The following DMD variants were observed in gnomAD, a reference collection of about 807,000 sequenced individuals.
DMD encodes the protein dystrophin, also known as mutant dystrophin.
In DMD, 63 loss-of-function variants were observed where a neutral mutation model predicts 330.1. The observed-to-expected ratio is 0.19, with a 90% CI of 0.16 to 0.24. The LOEUF is 0.24. DMD is among the 10% of genes least tolerant of loss of function. The pLI is 1.00. For missense variants in DMD, 3,344 were observed against 2,684.1 expected, an observed-to-expected ratio of 1.25 and a Z score of -5.43; for synonymous variants, 1,223 against 959.8, an observed-to-expected ratio of 1.27 and a Z score of -5.07.
At position 31,121,932 on chromosome X, in the gene DMD, T is replaced by C. The variant is rs2032650615; in HGVS notation, c.11047-2A>G. 1 of 1,187,919 alleles carries C rather than the reference T, an allele frequency of 8.4e-7. No individual in the cohort carries two copies. The highest frequency in any genetic ancestry group is 1.1e-6 in the Non-Finnish European group (1 of 874,499). On this transcript the variant is annotated splice_acceptor_variant, in intron 78 of 78. Coordinates refer to ENST00000357033, the MANE Select transcript of DMD (RefSeq NM_004006.3). LOFTEE classifies it high-confidence loss of function. Reference sequence around the variant, plus strand: ...GGAAAAGACTTCCTACATTGTGTCCTGGAAAACAAAGAGAAAGAAAGACAG... The same window carrying C: ...GGAAAAGACTTCCTACATTGTGTCCCGGAAAACAAAGAGAAAGAAAGACAG...
At chrX:32,044,701 C>A (rs1318582212) in intron 44 of DMD, among the ~76,000 whole-genome samples, 2 of 111,718 alleles carry the variant, frequency 1.8e-5, no homozygotes, top group Non-Finnish European at 3.8e-5. Context: ...GGATTACAGG[C>A]GTGAGCCTCC....
At chrX:31,419,836 A>C (rs1451962300) in intron 60 of DMD, among the ~76,000 whole-genome samples, 1 of 111,981 alleles carries the variant, frequency 8.9e-6, no homozygotes, top group African/African-American at 3.2e-5. Flanking sequence ...AGCTTACAGA[A>C]CAACAGCATC....
At chrX:32,663,891 G>T (rs2061112775) in intron 9 of DMD, among the ~76,000 whole-genome samples, 1 of 111,650 alleles carries the variant, frequency 9.0e-6, no homozygotes, top group South Asian at 3.8e-4. Flanking sequence ...TATGACTGCG[G>T]TGGAATGAGA....
chrX:31,179,239 T>C, intron 69 of DMD, among the ~76,000 whole-genome samples: 1 of 112,634 alleles, frequency 8.9e-6, no homozygotes, highest in African/African-American at 3.2e-5. Context: ...GCATGGTACA[T>C]TCTCAATCAC....
chrX:31,136,493 G>A (rs922346453), intron 76 of DMD, among the ~76,000 whole-genome samples: 4 of 111,983 alleles, frequency 3.6e-5, no homozygotes, highest in African/African-American at 6.5e-5. Context: ...AAATTTTTGC[G>A]GAACTGGGAA....
At chrX:33,288,827 A>G (rs758453722) in intron 1 of DMD, among the ~76,000 whole-genome samples, 1 of 112,013 alleles carries the variant, frequency 8.9e-6, no homozygotes, top group African/African-American at 3.2e-5. Context: ...TAAGGATTGT[A>G]ACCAAGAGAC....
intron 60 of DMD, among the ~76,000 whole-genome samples, chrX:31,371,776 T>C (rs142189478): frequency 2.4e-3 from 273 of 111,804 alleles, no homozygotes; most frequent in African/African-American, 7.8e-3. Context: ...AGAAAGAATA[T>C]TGATAATGGA....
chrX:32,838,056 C>T (rs183782243), intron 4 of DMD, among the ~76,000 whole-genome samples: 25 of 111,773 alleles, frequency 2.2e-4, no homozygotes, highest in African/African-American at 7.8e-4. Flanking sequence ...CAATCTTTTG[C>T]TGTTAAATAT....
chrX:31,828,436 C>T (rs1382635198), intron 49 of DMD, among the ~76,000 whole-genome samples: 1 of 110,734 alleles, frequency 9.0e-6, no homozygotes, highest in African/African-American at 3.3e-5. Context: ...GAGGCTGAGG[C>T]AGGTGGATCA....
At chrX:33,305,486 G>T (rs1398954823) in intron 1 of DMD, among the ~76,000 whole-genome samples, 1 of 102,562 alleles carries the variant, frequency 9.8e-6, no homozygotes, top group Non-Finnish European at 2.0e-5. Context: ...GTTAATGGGT[G>T]CAGCACACCA....
At chrX:32,375,141 T>A (rs1338354010) in intron 34 of DMD, among the ~76,000 whole-genome samples, 1 of 111,132 alleles carries the variant, frequency 9.0e-6, no homozygotes, top group Non-Finnish European at 1.9e-5. Context: ...TTCTCAGTTC[T>A]CGGTTTGCGC....
At chrX:31,508,779 G>GTT (rs767835823) in intron 55 of DMD, among the ~76,000 whole-genome samples, 34 of 108,111 alleles carry the variant, frequency 3.1e-4, no homozygotes, top group African/African-American at 1.1e-3. Context: ...AACTAGAAAA[G>GTT]TTTTTTTTTT....
chrX:31,939,459 C>T (rs999115691), intron 45 of DMD, among the ~76,000 whole-genome samples: 2 of 111,891 alleles, frequency 1.8e-5, no homozygotes, highest in Non-Finnish European at 1.9e-5. Flanking sequence ...GTTAGCAATG[C>T]GAATATCTGT....
intron 51 of DMD, among the ~76,000 whole-genome samples, chrX:31,749,468 T>G (rs1395791904): frequency 1.6e-4 from 17 of 105,601 alleles, no homozygotes; most frequent in Non-Finnish European, 2.9e-4. Flanking sequence ...ACAAAGGACA[T>G]GAACTCATCC....
At chrX:31,951,161 A>ATATATATATGTG (rs2095170849) in intron 45 of DMD, among the ~76,000 whole-genome samples, 6 of 86,933 alleles carry the variant, frequency 6.9e-5, no homozygotes, top group African/African-American at 2.8e-4. Flanking sequence ...ATATATATGT[A>ATATATATATGTG]TATATATATA....
Position 31,795,111 on chromosome X carries a change from TAGG to T in DMD, c.7310-20922_7310-20920del, listed in dbSNP as rs200093301. ...ACACCCACTCTGAAATTCTGCTTTC[TAGG>T]AGAATTCCAATTGTCTTCAAGTTTC... On this transcript the variant is annotated intron_variant, in intron 50 of 78. Transcript: ENST00000357033. Among the ~76,000 whole-genome samples the T allele has an allele frequency of 6.9e-3, 765 of 111,582 alleles. 6 individuals are homozygous for T. Among genetic ancestry groups the T allele is most frequent in the African/African-American group, 0.024 (725 of 30,712 alleles).
rs140091655 is a variant in DMD, at chrX:31,840,480, C to T, written c.7099-3661G>A. On this transcript the variant is annotated intron_variant, in intron 48 of 78. Coordinates refer to ENST00000357033, the MANE Select transcript of DMD (RefSeq NM_004006.3). ...ACATATGTGTGAGTGGATATATAGA[C>T]ACATGTATGTATATGTACAGGTATA... Among the ~76,000 whole-genome samples the T allele has an allele frequency of 5.1e-3, 554 of 108,271 alleles. 7 individuals are homozygous for T. Among genetic ancestry groups the T allele is most frequent in the African/African-American group, 0.018 (534 of 29,764 alleles). The allele number at this position is 108,271 out of a possible 115,157, so 94.0% of individuals were successfully genotyped here.
At chrX:31,958,732 A>G (rs918382220) in intron 45 of DMD, among the ~76,000 whole-genome samples, 24 of 112,068 alleles carry the variant, frequency 2.1e-4, no homozygotes, top group African/African-American at 7.1e-4. Flanking sequence ...AGTTAGTTCA[A>G]TGGAGATTGC....
intron 9 of DMD, among the ~76,000 whole-genome samples, chrX:32,654,801 G>A (rs1260292064): frequency 1.8e-5 from 2 of 111,034 alleles, no homozygotes; most frequent in Non-Finnish European, 3.8e-5. Flanking sequence ...TTGGTTGGTA[G>A]GCTATTAATT....
Sources: gnomAD v4.1 joint callset for allele counts (sites outside exome capture counted in the v4.1 genomes callset) on GRCh38, gnomAD v4.1.1 for gene constraint, MANE v1.5 for transcripts, NCBI Gene and HGNC (gene_info 2026-07-23, HGNC 2026-07-21) for gene names.